The following ROR2 variants were observed in gnomAD, a reference collection of about 807,000 sequenced individuals.
ROR2 encodes tyrosine-protein kinase transmembrane receptor ROR2.
ROR2 carries 33 observed loss-of-function variants against 74.9 expected under a neutral mutation model. That is an observed-to-expected ratio of 0.44 (90% CI 0.33 to 0.59). The LOEUF is 0.59. Ranked by LOEUF, ROR2 falls within the 20% of genes least tolerant of loss-of-function variation. The pLI is 0.02. For synonymous variants in ROR2, 586 were observed against 558.7 expected, an observed-to-expected ratio of 1.05 and a Z score of -0.69; for missense variants, 1,216 against 1,313.8, an observed-to-expected ratio of 0.93 and a Z score of 1.15.
At chr9:91,863,915 A>G (rs1829550900) in intron 1 of ROR2, among the ~76,000 whole-genome samples, 1 of 152,192 alleles carries the variant, frequency 6.6e-6, no homozygotes, top group East Asian at 1.9e-4. Context: ...TTGTATCTCA[A>G]AGTGTAAATA....
chr9:91,828,118 C>A (rs1210902396), intron 1 of ROR2, among the ~76,000 whole-genome samples: 1 of 152,252 alleles, frequency 6.6e-6, no homozygotes, highest in Non-Finnish European at 1.5e-5. Flanking sequence ...GAACTGACAT[C>A]TTTAAAACAT....
intron 1 of ROR2, among the ~76,000 whole-genome samples, chr9:91,914,749 C>T (rs776625316): frequency 1.6e-4 from 24 of 152,174 alleles, no homozygotes; most frequent in Non-Finnish European, 2.9e-5. Context: ...GTGATTGCCA[C>T]GGCAGGTGTA....
intron 1 of ROR2, among the ~76,000 whole-genome samples, chr9:91,910,548 C>A (rs2119441996): frequency 1.3e-5 from 2 of 152,146 alleles, no homozygotes; most frequent in South Asian, 4.2e-4. Context: ...ACAACCAAGG[C>A]AATGAAAGAA....
intron 1 of ROR2, among the ~76,000 whole-genome samples, chr9:91,919,710 T>TC (rs1290377419): frequency 6.6e-6 from 1 of 152,032 alleles, no homozygotes; most frequent in Admixed American, 6.5e-5. Flanking sequence ...GGCAGCTGCT[T>TC]CCCCCAGCCC....
Position 91,950,080 on chromosome 9 carries a change from C to G in ROR2, c.-117G>C. ...CTCCTTCTCCCTGGCGCTTCGCAAA[C>G]GGGTCCACTTCGAGGACCTCGTCGT... On this transcript the variant is annotated 5_prime_UTR_variant, in exon 1 of 9. Coordinates refer to ENST00000375708, the MANE Select transcript of ROR2 (RefSeq NM_004560.4). The G allele has an allele frequency of 2.0e-6, 1 of 490,020 alleles. No individual in the cohort carries two copies. The highest frequency in any genetic ancestry group is 3.4e-6 in the Non-Finnish European group (1 of 291,204). The allele number at this position is 490,020 out of a possible 1,614,324, so 30.4% of individuals were successfully genotyped here. A position where few individuals can be genotyped will look rare whatever the true frequency, so the allele number is the denominator to read the frequency against.
At chr9:91,747,643 T>C (rs541292374) in intron 4 of ROR2, among the ~76,000 whole-genome samples, 1 of 152,338 alleles carries the variant, frequency 6.6e-6, no homozygotes, top group South Asian at 2.1e-4. Flanking sequence ...GATAAACTGG[T>C]CGAGTAAAAG....
rs147369664 is a variant in ROR2 at position 91,829,334 on chromosome 9, G to C, written c.98-53516C>G. Among the ~76,000 whole-genome samples, 864 of 152,202 alleles carry C rather than the reference G, an allele frequency of 5.7e-3. 13 individuals are homozygous for C. The highest frequency in any genetic ancestry group is 0.019 in the African/African-American group (803 of 41,536). Reference sequence around the variant, plus strand: ...GAGGCAGATGAATTGCCTGAGCTCAGGAGTTCGAGACCAGCCTGGGCAACA... The same window carrying C: ...GAGGCAGATGAATTGCCTGAGCTCACGAGTTCGAGACCAGCCTGGGCAACA... On this transcript the variant is annotated intron_variant, in intron 1 of 8. Transcript: ENST00000375708.
rs1189987776 is a variant in ROR2, at chr9:91,724,106, G to A, written c.2388C>T (p.Phe796=). 4 of 1,610,896 alleles carry A rather than the reference G, an allele frequency of 2.5e-6. No individual in the cohort carries two copies. Among genetic ancestry groups the A allele is most frequent in the Non-Finnish European group, 3.4e-6 (4 of 1,179,960 alleles). Residue 796 remains phenylalanine (F), a synonymous_variant, in exon 9 of 9, where the codon TTC becomes TTT. Transcript: ENST00000375708. ...YVGPKQKAPP[F]PQPQFIPMKG... ...TCATGGGGATGAACTGGGGCTGTGG[G>A]AAGGGCGGGGCCTTCTGCTTGGGCC...
chr9:91,862,625 G>T (rs913251297), intron 1 of ROR2, among the ~76,000 whole-genome samples: 2 of 151,978 alleles, frequency 1.3e-5, no homozygotes, highest in Admixed American at 1.3e-4. Context: ...ACACACCACC[G>T]CACTGCAGCC....
chr9:91,905,315 ACATACAAT>A lies in ROR2; in HGVS notation c.97+44544_97+44551del, dbSNP rs1830787348. Reference sequence around the variant, plus strand: ...ATACCACACACCAGACACACCACACACATACAATCATACCACACAACACATACACAACC... The same window carrying A: ...ATACCACACACCAGACACACCACACACATACCACACAACACATACACAACC... On this transcript the variant is annotated intron_variant, in intron 1 of 8. Coordinates refer to ENST00000375708, the MANE Select transcript of ROR2 (RefSeq NM_004560.4). The surrounding 1 kb of genome is among the most constrained non-coding windows in gnomAD (Gnocchi z 5.3). 1.4e-5 allele frequency among the ~76,000 whole-genome samples: 2 copies of A among 142,030 alleles called. No homozygotes were observed. The highest frequency in any genetic ancestry group is 2.5e-5 in the African/African-American group (1 of 40,490). 93.2% of individuals were successfully genotyped at this position (142,030 alleles called of 152,430 possible).
At chr9:91,855,614 G>A (rs1019782500) in intron 1 of ROR2, among the ~76,000 whole-genome samples, 3 of 152,200 alleles carry the variant, frequency 2.0e-5, no homozygotes, top group African/African-American at 7.2e-5. Context: ...CAATCAGCCT[G>A]CCTTTGCTGG....
chr9:91,774,218 G>A (rs992028240), intron 2 of ROR2, among the ~76,000 whole-genome samples: 5 of 152,196 alleles, frequency 3.3e-5, no homozygotes, highest in Non-Finnish European at 5.9e-5. Flanking sequence ...TCCTACAGAG[G>A]ATGGAATCCT....
intron 1 of ROR2, among the ~76,000 whole-genome samples, chr9:91,917,768 A>G (rs921052393): frequency 6.6e-6 from 1 of 152,214 alleles, no homozygotes; most frequent in Non-Finnish European, 1.5e-5. Flanking sequence ...ACAAGTGAGC[A>G]AAGCCAGACA....
rs180825668 is a variant in ROR2, at chr9:91,723,797, G to A, written c.2697C>T (p.Asn899=). 1.7e-5 allele frequency: 28 copies of A among 1,613,838 alleles called. No homozygotes were observed. The highest frequency in any genetic ancestry group is 5.5e-5 in the South Asian group (5 of 91,076). Residue 899 remains asparagine, a synonymous_variant, in exon 9 of 9, where the codon AAC becomes AAT. Coordinates refer to ENST00000375708, the MANE Select transcript of ROR2 (RefSeq NM_004560.4). ...LLSEGADDTQ[N]APEDGAQSTV... ...TGCTCTGGGCCCCATCTTCTGGGGC[G>A]TTCTGTGTGTCATCAGCGCCCTCTG... is the stretch of plus-strand genomic sequence containing the variant.
At chr9:91,772,449 C>A (rs1370524638) in intron 2 of ROR2, among the ~76,000 whole-genome samples, 1 of 152,192 alleles carries the variant, frequency 6.6e-6, no homozygotes, top group Non-Finnish European at 1.5e-5. Context: ...AGGCCCTGAC[C>A]CCAGGGGGAA....
chr9:91,833,906 G>A (rs1828540794), intron 1 of ROR2, among the ~76,000 whole-genome samples: 1 of 152,128 alleles, frequency 6.6e-6, no homozygotes, highest in Non-Finnish European at 1.5e-5. Context: ...GAAATCTGAG[G>A]CATATTCGAG....
intron 1 of ROR2, among the ~76,000 whole-genome samples, chr9:91,852,420 A>G (rs1042692739): frequency 5.3e-5 from 8 of 152,208 alleles, no homozygotes; most frequent in African/African-American, 1.9e-4. Flanking sequence ...GACCAGCTTC[A>G]TCTTTCATGA....
At chr9:91,730,616 G>A (rs1283091478) in intron 7 of ROR2, among the ~76,000 whole-genome samples, 2 of 152,008 alleles carry the variant, frequency 1.3e-5, no homozygotes, top group Admixed American at 1.3e-4. Context: ...ATGTGCCACC[G>A]CACCTGGCTA....
intron 1 of ROR2, among the ~76,000 whole-genome samples, chr9:91,904,818 G>A (rs1386170190): frequency 6.6e-6 from 1 of 152,112 alleles, no homozygotes; most frequent in Non-Finnish European, 1.5e-5. Context: ...CTCCAAAAAG[G>A]GAAAAAACAA....
Sources: gnomAD v4.1 joint callset for allele counts (sites outside exome capture counted in the v4.1 genomes callset) on GRCh38, gnomAD v4.1.1 for gene constraint, Gnocchi (gnomAD v3.1) non-coding constraint, MANE v1.5 for transcripts, NCBI Gene and HGNC (gene_info 2026-07-23, HGNC 2026-07-21) for gene names.